The following AHNAK2 variants were observed in gnomAD, a reference collection of about 807,000 sequenced individuals.
AHNAK2 encodes the protein AHNAK nucleoprotein 2, also known as protein AHNAK2.
AHNAK2 carries 18 observed loss-of-function variants against 30.7 expected under a neutral mutation model. That is an observed-to-expected ratio of 0.59 (90% CI 0.41 to 0.87). AHNAK2 has a LOEUF of 0.87. Among genes scored for constraint, AHNAK2 ranks in the 40% least tolerant of loss-of-function variants. AHNAK2 has a pLI of 0.00. For synonymous variants in AHNAK2, 3,590 were observed against 3,073.8 expected, an observed-to-expected ratio of 1.17 and a Z score of -5.56; for missense variants, 8,604 against 7,373.0, an observed-to-expected ratio of 1.17 and a Z score of -6.11.
In AHNAK2 at chr14:104,954,881, G is replaced by A; in HGVS notation, c.651+76C>T. The A allele has an allele frequency of 6.4e-7, 1 of 1,550,436 alleles. No individual in the cohort carries two copies. Among genetic ancestry groups the A allele is most frequent in the South Asian group, 1.2e-5 (1 of 81,874 alleles). On this transcript the variant is annotated intron_variant, in intron 6 of 6. Transcript: ENST00000333244. This position sits in a 1 kb window ranked among gnomAD's most constrained non-coding sequence, Gnocchi z 4.3. ...GCCCAGGGACAGATGGAGTGGGAGT[G>A]CTATCCCCTCCCAGGCTCAGCCAGC...
chr14:104,947,427 T>G lies in AHNAK2; in HGVS notation c.8024A>C (p.Glu2675Ala), dbSNP rs551040167. ...GCTCATGTCGGCTTCCACCTTCAGCTCAGACACATCCACCAACGCCTCGAT... is the reference window on the plus strand; with the variant it reads ...GCTCATGTCGGCTTCCACCTTCAGCGCAGACACATCCACCAACGCCTCGAT... The part of the protein sequence containing the change: ...ESIEALVDVS[E>A]LKVEADMSLP... Residue 2675 changes from glutamate (E) to alanine (A), a missense_variant, in exon 7 of 7, where the codon GAG becomes GCG. Transcript: ENST00000333244. 1,612 of 1,611,354 alleles carry G rather than the reference T, an allele frequency of 1.0e-3. 28 individuals are homozygous for G. The South Asian group carries it at 0.017, about 17-fold the overall frequency.
At position 104,963,086 on chromosome 14, in the gene AHNAK2, G is replaced by C. The variant is rs1583851; in HGVS notation, c.56-5414C>G. 3.5e-3 allele frequency among the ~76,000 whole-genome samples: 536 copies of C among 152,270 alleles called. 4 individuals are homozygous for C. Among genetic ancestry groups the C allele is most frequent in the African/African-American group, 0.012 (502 of 41,538 alleles). On this transcript the variant is annotated intron_variant, in intron 1 of 6. Coordinates refer to ENST00000333244, the MANE Select transcript of AHNAK2 (RefSeq NM_138420.4). ...AAACGAAAAGGCAGTGAATGTATCT[G>C]GCAAAGGACTTGCATGGAGCCTGTG...
chr14:104,952,742 C>G lies in AHNAK2; in HGVS notation c.2709G>C (p.Glu903Asp). The change falls in exon 7 of 7, where the codon GAG becomes GAC. Residue 903 changes from glutamate (E) to aspartate (D), a missense_variant. Transcript: ENST00000333244. ...QAGQVDVKLP[E>D]GPVPEGAGPK... ...GGCCGGCTCCCTCGGGCACAGGGCC[C>G]TCCGGAAGTTTCACATCCACTTGGC... The G allele has an allele frequency of 6.2e-7, 1 of 1,612,868 alleles. No individual in the cohort carries two copies. The highest frequency in any genetic ancestry group is 1.1e-5 in the South Asian group (1 of 91,026).
intron 1 of AHNAK2, among the ~76,000 whole-genome samples, chr14:104,972,270 C>T (rs550341518): frequency 6.6e-6 from 1 of 152,358 alleles, no homozygotes; most frequent in South Asian, 2.1e-4. Context: ...TAGAAAACGA[C>T]TCTATTTACA....
chr14:104,950,281 C>T lies in AHNAK2; in HGVS notation c.5170G>A (p.Val1724Met), dbSNP rs116493110. The change falls in exon 7 of 7, where the codon GTG (valine) becomes ATG (methionine). Residue 1724 changes from valine to methionine, a missense_variant. Val to Met is a conservative substitution (Grantham distance 21). Transcript: ENST00000333244. ...DLEVQAGQVN[V>M]KLPEGPLPEG... ...GGAAGGGGGCCCTCCGGGAGTTTCA[C>T]GTTCACTTGGCCAGCCTGGACCTCC... is the stretch of plus-strand genomic sequence containing the variant. 5.5e-4 allele frequency: 871 copies of T among 1,584,172 alleles called. 111 individuals are homozygous for T. The African/African-American group carries it at 0.011, about 19-fold the overall frequency.
At position 104,939,184 on chromosome 14, in the gene AHNAK2, C is replaced by A. The variant is rs757771235; in HGVS notation, c.16267G>T (p.Ala5423Ser). 1 of 1,613,582 alleles carries A rather than the reference C, an allele frequency of 6.2e-7. No individual in the cohort carries two copies. Among genetic ancestry groups the A allele is most frequent in the Admixed American group, 1.7e-5 (1 of 59,988 alleles). ...AGCCCCGGACTTTCCTTACAAAGGG[C>A]TGTATCAATATTGGCCTCTGGACAC... ...VQCPEANIDT[A>S]LCKESPGLWG... The change falls in exon 7 of 7, where the codon GCC becomes TCC. Residue 5423 changes from alanine to serine, a missense_variant. Physicochemically the swap from Ala to Ser is moderately conservative, Grantham distance 99. Transcript: ENST00000333244.
In AHNAK2 at chr14:104,939,331, C is replaced by A. The variant is rs1478319611; in HGVS notation, c.16120G>T (p.Asp5374Tyr). Residue 5374 changes from aspartate to tyrosine, a missense_variant, in exon 7 of 7, where the codon GAT becomes TAT. Transcript: ENST00000333244. ...AGGACAGAATCTTCCCACAGTTGAT[C>A]CACATTAACCACAGAAATCTGGGAT... Reference protein sequence around the residue: ...MPSQISVVNVDQLWEDSVLTV... With the variant: ...MPSQISVVNVYQLWEDSVLTV... 1 of 1,613,692 alleles carries A rather than the reference C, an allele frequency of 6.2e-7. No individual in the cohort carries two copies. Among genetic ancestry groups the A allele is most frequent in the East Asian group, 2.2e-5 (1 of 44,884 alleles).
At position 104,938,281 on chromosome 14, in the gene AHNAK2, G is replaced by A. The variant is rs777331139; in HGVS notation, c.17170C>T (p.Gln5724Ter). 6.2e-7 allele frequency: 1 copy of A among 1,613,854 alleles called. No individual in the cohort carries two copies. Among genetic ancestry groups the A allele is most frequent in the African/African-American group, 1.3e-5 (1 of 75,028 alleles). The change falls in exon 7 of 7, where the codon CAA (glutamine) becomes TAA (stop). Residue 5724 changes from glutamine to a stop codon, truncating the protein, a stop_gained. Transcript: ENST00000333244. LOFTEE classifies it low-confidence loss of function (END_TRUNC). ...STEDGAELEEQKLQEETITFF... is the reference protein window; with the variant it reads ...STEDGAELEE ...GTGATTGTTTCTTCTTGAAGTTTTT[G>A]TTCTTCCAGCTCTGCCCCATCTTCG...
rs1283659923 is a variant in AHNAK2, at chr14:104,940,648, C to A, written c.14803G>T (p.Ala4935Ser). The change falls in exon 7 of 7, where the codon GCC becomes TCC. Residue 4935 changes from alanine (A) to serine (S), a missense_variant. By Grantham distance (99) the Ala-to-Ser change is moderately conservative. Transcript: ENST00000333244. The surrounding 1 kb of genome is among the most constrained non-coding windows in gnomAD (Gnocchi z 4.4). ...LVASLQTSVV[A>S]PGEAPSEDAD... ...TCTTCAGAAGGGGCTTCTCCAGGGG[C>A]CACTACTGATGTCTGCAAGGAGGCC... is the stretch of plus-strand genomic sequence containing the variant. 1.9e-6 allele frequency: 3 copies of A among 1,613,530 alleles called. No homozygotes were observed. The highest frequency in any genetic ancestry group is 3.3e-5 in the Admixed American group (2 of 60,012).
Position 104,944,908 on chromosome 14 carries a change from C to G in AHNAK2, c.10543G>C (p.Asp3515His). The change falls in exon 7 of 7, where the codon GAC becomes CAC. Residue 3515 changes from aspartate (D) to histidine (H), a missense_variant. Asp to His is a moderately conservative substitution (Grantham distance 81). Coordinates refer to ENST00000333244, the MANE Select transcript of AHNAK2 (RefSeq NM_138420.4). ...ATGCTGAGGTCAGTGGCCTTGAGGT[C>G]CCCCTGCATGGAGGAGAGGCTCACG... ...ADVSLSSMQG[D>H]LKATDLSIQP... 1 of 1,613,230 alleles carries G rather than the reference C, an allele frequency of 6.2e-7. No homozygotes were observed. The highest frequency in any genetic ancestry group is 1.7e-4 in the Middle Eastern group (1 of 6,054).
intron 1 of AHNAK2, among the ~76,000 whole-genome samples, chr14:104,967,525 G>A (rs890380852): frequency 2.0e-5 from 3 of 152,222 alleles, no homozygotes; most frequent in South Asian, 2.1e-4. Flanking sequence ...GAGGAGACGT[G>A]ACCAGCCCTG....
chr14:104,948,240 A>C lies in AHNAK2; in HGVS notation c.7211T>G (p.Leu2404Arg). 1 of 1,612,348 alleles carries C rather than the reference A, an allele frequency of 6.2e-7. No homozygotes were observed. Among genetic ancestry groups the C allele is most frequent in the South Asian group, 1.1e-5 (1 of 91,030 alleles). Reference sequence around the variant, plus strand: ...GGGCATCTTGAAACTGGGCATCTGCAGCTTGGGCAGGTGCCCTTTGAGGCC... The same window carrying C: ...GGGCATCTTGAAACTGGGCATCTGCCGCTTGGGCAGGTGCCCTTTGAGGCC... Reference protein sequence around the residue: ...GAGLKGHLPKLQMPSFKMPKV... With the variant: ...GAGLKGHLPKRQMPSFKMPKV... Residue 2404 changes from leucine to arginine, a missense_variant, in exon 7 of 7, where the codon CTG (leucine) becomes CGG (arginine). Physicochemically the swap from Leu to Arg is moderately radical, Grantham distance 102. Transcript: ENST00000333244.
In AHNAK2 at chr14:104,954,818, G is replaced by C; in HGVS notation, c.652-19C>G. ...CCGTGTCCTGAAACATAGGGAGAGG[G>C]AATCTGTTGGTGCCAGTCCAAGAAG... On this transcript the variant is annotated intron_variant, in intron 6 of 6. Coordinates refer to ENST00000333244, the MANE Select transcript of AHNAK2 (RefSeq NM_138420.4). This position sits in a 1 kb window ranked among gnomAD's most constrained non-coding sequence, Gnocchi z 4.3. The C allele has an allele frequency of 6.5e-7, 1 of 1,546,712 alleles. No homozygotes were observed. Among genetic ancestry groups the C allele is most frequent in the Non-Finnish European group, 8.7e-7 (1 of 1,148,742 alleles).
chr14:104,958,222 G>T (rs1410235743), intron 1 of AHNAK2, among the ~76,000 whole-genome samples: 1 of 152,202 alleles, frequency 6.6e-6, no homozygotes, highest in Non-Finnish European at 1.5e-5. Context: ...GCTGAGGCGG[G>T]TGGATCACCT....
chr14:104,940,844 CTT>C lies in AHNAK2; in HGVS notation c.14605_14606del (p.Lys4869ValfsTer12). 1 of 1,613,074 alleles carries C rather than the reference CTT, an allele frequency of 6.2e-7. No homozygotes were observed. The highest frequency in any genetic ancestry group is 8.5e-7 in the Non-Finnish European group (1 of 1,179,858). On this transcript the variant is annotated frameshift_variant, in exon 7 of 7. Transcript: ENST00000333244. LOFTEE classifies it low-confidence loss of function (END_TRUNC). The surrounding 1 kb of genome is among the most constrained non-coding windows in gnomAD (Gnocchi z 4.4). The stretch of plus-strand genomic sequence containing the variant: ...CCATTTGGGGGACTGAAAACACAAA[CTT>C]TGGTTTATAGAATTTAGGAAAAGAT... Reference protein sequence around the residue: ...QVSFPKFYKPKFVFSVPQMAV... With the variant: ...QVSFPKFYKPXFVFSVPQMAV...
chr14:104,945,235 G>A lies in AHNAK2; in HGVS notation c.10216C>T (p.Leu3406Phe). 6.2e-7 allele frequency: 1 copy of A among 1,612,838 alleles called. No homozygotes were observed. ...TTGATGTCCACCTGGGGGCTCTTGA[G>A]GTCCACTTTGGGCATCTTGAAACTG... is the stretch of plus-strand genomic sequence containing the variant. ...MPSFKMPKVDLKSPQVDIKGP... is the reference protein window; with the variant it reads ...MPSFKMPKVDFKSPQVDIKGP... Residue 3406 changes from leucine (L) to phenylalanine (F), a missense_variant, in exon 7 of 7, where the codon CTC (leucine) becomes TTC (phenylalanine). By Grantham distance (22) the Leu-to-Phe change is conservative. Coordinates refer to ENST00000333244, the MANE Select transcript of AHNAK2 (RefSeq NM_138420.4).
Position 104,939,752 on chromosome 14 carries a change from T to G in AHNAK2, c.15699A>C (p.Lys5233Asn). The change falls in exon 7 of 7, where the codon AAA becomes AAC. Residue 5233 changes from lysine (K) to asparagine (N), a missense_variant. Physicochemically the swap from Lys to Asn is moderately conservative, Grantham distance 94. Transcript: ENST00000333244. ...ATGGEAAAKV[K>N]EFLVSGSNVE... is the part of the protein sequence containing the mutation. ...CGTTTGACCCAGAAACAAGGAACTC[T>G]TTGACTTTAGCTGCTGCTTCACCCC... The G allele has an allele frequency of 6.2e-7, 1 of 1,613,864 alleles. No individual in the cohort carries two copies. Among genetic ancestry groups the G allele is most frequent in the Non-Finnish European group, 8.5e-7 (1 of 1,179,886 alleles).
In AHNAK2 at chr14:104,948,528, T is replaced by C. The variant is rs781391525; in HGVS notation, c.6923A>G (p.Asp2308Gly). ...ARLEGDMSLA[D>G]KDVTAKDSKF... is the part of the protein sequence containing the mutation. Reference sequence around the variant, plus strand: ...GCTGTCTTTGGCAGTCACGTCCTTGTCGGCCAGGGACATGTCCCCCTCCAG... The same window carrying C: ...GCTGTCTTTGGCAGTCACGTCCTTGCCGGCCAGGGACATGTCCCCCTCCAG... The change falls in exon 7 of 7, where the codon GAC becomes GGC. Residue 2308 changes from aspartate (D) to glycine (G), a missense_variant. Transcript: ENST00000333244. 2 of 1,611,940 alleles carry C rather than the reference T, an allele frequency of 1.2e-6. No homozygotes were observed. Among genetic ancestry groups the C allele is most frequent in the Admixed American group, 1.7e-5 (1 of 59,824 alleles).
rs774849824 is a variant in AHNAK2 at position 104,951,836 on chromosome 14, G to A, written c.3615C>T (p.Asp1205=). ...ADVSLPSMQG[D]LKTTDLSIQP... is the part of the protein sequence containing the mutation. ...GAATGCTGAGGTCAGTGGTCTTGAG[G>A]TCCCCCTGCATGGAGGGGAGACTCA... Residue 1205 remains aspartate, a synonymous_variant, in exon 7 of 7, where the codon GAC becomes GAT. Coordinates refer to ENST00000333244, the MANE Select transcript of AHNAK2 (RefSeq NM_138420.4). 5 of 1,600,430 alleles carry A rather than the reference G, an allele frequency of 3.1e-6. No individual in the cohort carries two copies. Among genetic ancestry groups the A allele is most frequent in the Non-Finnish European group, 4.3e-6 (5 of 1,172,842 alleles).
Sources: gnomAD v4.1 joint callset for allele counts (sites outside exome capture counted in the v4.1 genomes callset) on GRCh38, gnomAD v4.1.1 for gene constraint, Gnocchi (gnomAD v3.1) non-coding constraint, MANE v1.5 for transcripts, NCBI Gene and HGNC (gene_info 2026-07-23, HGNC 2026-07-21) for gene names.